Variants in PLCH2 observed in about 807,000 individuals in gnomAD.
The protein encoded by PLCH2 is phospholipase C eta 2.
In PLCH2, 98 loss-of-function variants were observed where a neutral mutation model predicts 134.7. That is an observed-to-expected ratio of 0.73 (90% CI 0.62 to 0.86). The LOEUF is 0.86. Ranked by LOEUF, PLCH2 falls within the 40% of genes least tolerant of loss-of-function variation. PLCH2 has a pLI of 0.00. For synonymous variants in PLCH2, 974 were observed against 827.5 expected, an observed-to-expected ratio of 1.18 and a Z score of -3.04; for missense variants, 1,994 against 1,986.6, an observed-to-expected ratio of 1.00 and a Z score of -0.07.
rs1643038417 is a variant in PLCH2 at position 2,498,724 on chromosome 1, C to T, written c.2350-20C>T. 6 of 1,595,510 alleles carry T rather than the reference C, an allele frequency of 3.8e-6. No individual in the cohort carries two copies. The highest frequency in any genetic ancestry group is 2.3e-5 in the East Asian group (1 of 44,248). On this transcript the variant is annotated intron_variant, in intron 17 of 21. Transcript: ENST00000378486. The surrounding 1 kb of genome is among the most constrained non-coding windows in gnomAD (Gnocchi z 5.4). ...GGCATCGCGATGGGCCCTGATGCCACCCCCACTCCTGTGTCCCAGATCATC... is the reference window on the plus strand; with the variant it reads ...GGCATCGCGATGGGCCCTGATGCCATCCCCACTCCTGTGTCCCAGATCATC...
At chr1:2,446,694 C>G (rs1280272233) in intron 2 of PLCH2, among the ~76,000 whole-genome samples, 1 of 152,238 alleles carries the variant, frequency 6.6e-6, no homozygotes, top group Admixed American at 6.5e-5. Flanking sequence ...GCCTCGGCTG[C>G]CCAGCCCAGC....
chr1:2,494,284 G>A (rs1487725970), intron 11 of PLCH2: 1 of 161,878 alleles, frequency 6.2e-6, no homozygotes, highest in South Asian at 1.6e-4. Flanking sequence ...GGGCAGGCAG[G>A]GTAGCCCTGG....
intron 2 of PLCH2, among the ~76,000 whole-genome samples, chr1:2,433,564 C>T (rs1480065853): frequency 6.6e-6 from 1 of 152,186 alleles, no homozygotes; most frequent in Non-Finnish European, 1.5e-5. Context: ...TGTGTCCGCA[C>T]AGCAGGAGCC....
At chr1:2,486,116 C>T (rs918195797) in intron 5 of PLCH2, among the ~76,000 whole-genome samples, 2 of 152,204 alleles carry the variant, frequency 1.3e-5, no homozygotes, top group African/African-American at 4.8e-5. Context: ...ATAGTAGGTC[C>T]TCTGTCCCAG....
At chr1:2,464,684 G>A (rs549531937), upstream of PLCH2, among the ~76,000 whole-genome samples, 11 of 152,352 alleles carry the variant, frequency 7.2e-5, no homozygotes, top group East Asian at 1.9e-4. Flanking sequence ...GGCTCTGTCC[G>A]GACTCAGCTG....
chr1:2,440,655 C>T (rs1395124922), intron 2 of PLCH2, among the ~76,000 whole-genome samples: 3 of 130,708 alleles, frequency 2.3e-5, no homozygotes, highest in East Asian at 4.9e-4. Context: ...TTGCATGCTG[C>T]GACCAGGGAT....
At chr1:2,465,583 G>A (rs1007757578), upstream of PLCH2, among the ~76,000 whole-genome samples, 1 of 152,106 alleles carries the variant, frequency 6.6e-6, no homozygotes, top group Non-Finnish European at 1.5e-5. Flanking sequence ...CCCGCCGCCT[G>A]CCGCCCGCCA....
intron 20 of PLCH2, chr1:2,500,030 C>G (rs1643129277): frequency 2.0e-6 from 1 of 503,756 alleles, no homozygotes; most frequent in Non-Finnish European, 3.6e-6. Flanking sequence ...GGCCTTGCAG[C>G]CTCCACCCCT....
In PLCH2 at chr1:2,504,980, T is replaced by TCCC. The variant is rs745329991; in HGVS notation, c.4019_4021dup (p.Ser1340_Arg1341insPro). On this transcript the variant is annotated inframe_insertion, in exon 22 of 22. Coordinates refer to ENST00000378486, the MANE Select transcript of PLCH2 (RefSeq NM_014638.4). ...CCCTGGTTTTGTGCGGCGCTCCTCC[T>TCCC]CCCGCAGCCACAGCCGCGTGCGTGC... is the stretch of plus-strand genomic sequence containing the variant. 2 of 1,546,996 alleles carry TCCC rather than the reference T, an allele frequency of 1.3e-6. No individual in the cohort carries two copies. Among genetic ancestry groups the TCCC allele is most frequent in the Admixed American group, 1.9e-5 (1 of 51,598 alleles).
intron 1 of PLCH2, among the ~76,000 whole-genome samples, chr1:2,426,315 G>A (rs911280272): frequency 3.3e-5 from 5 of 152,238 alleles, no homozygotes; most frequent in African/African-American, 1.2e-4. Flanking sequence ...CTATGGCCCC[G>A]TGTTTGGCCA....
chr1:2,447,711 C>T (rs559449196), intron 2 of PLCH2, among the ~76,000 whole-genome samples: 5 of 152,308 alleles, frequency 3.3e-5, no homozygotes, highest in African/African-American at 9.6e-5. Context: ...GGAGCTTCAG[C>T]GGTGGTAACC....
rs764045968 is a variant in PLCH2 at position 2,443,166 on chromosome 1, C to G, written c.115+12537C>G. ...CCCAGAGGTGGGTGGGCTGGCCGCC[C>G]GATGGGAGCTAAGGGTGCCCTGCCA... On this transcript the variant is annotated intron_variant, in intron 2 of 3. Transcript: ENST00000609981. Among the ~76,000 whole-genome samples, 11 of 152,182 alleles carry G rather than the reference C, an allele frequency of 7.2e-5. 1 individual carries two copies. Among genetic ancestry groups the G allele is most frequent in the Non-Finnish European group, 1.5e-4 (10 of 68,020 alleles).
rs564363349 is a variant in PLCH2, at chr1:2,447,820, G to A, written c.115+17191G>A. ...TCCCTCAGCCCACCGGGGACCAGCCGACCGGGAACCGGGGAATACAGAGGA... is the reference window on the plus strand; with the variant it reads ...TCCCTCAGCCCACCGGGGACCAGCCAACCGGGAACCGGGGAATACAGAGGA... On this transcript the variant is annotated intron_variant, in intron 2 of 3. Transcript: ENST00000609981. Among the ~76,000 whole-genome samples the A allele has an allele frequency of 1.6e-4, 24 of 152,182 alleles. 1 individual carries two copies. Among genetic ancestry groups the A allele is most frequent in the Non-Finnish European group, 1.0e-4 (7 of 68,032 alleles).
chr1:2,465,290 G>A (rs535699081), upstream of PLCH2, among the ~76,000 whole-genome samples: 14 of 152,242 alleles, frequency 9.2e-5, no homozygotes, highest in Admixed American at 6.5e-4. Flanking sequence ...TCTCAGACCC[G>A]GAAGGCAAGA....
chr1:2,502,311 C>T lies in PLCH2; in HGVS notation c.2861C>T (p.Thr954Ile). Reference sequence around the variant, plus strand: ...GAGCTGGTCCTGGGTACACGGGACACAGGCTCCAAGGGGGTGGCAGACGAT... The same window carrying T: ...GAGCTGGTCCTGGGTACACGGGACATAGGCTCCAAGGGGGTGGCAGACGAT... ...FPELVLGTRD[T>I]GSKGVADDVV... Residue 954 changes from threonine to isoleucine, a missense_variant, in exon 21 of 22, where the codon ACA (threonine) becomes ATA (isoleucine). This residue lies in a region of PLCH2 where 900 missense variants were observed against 752.3 expected (regional missense o/e 1.20). Coordinates refer to ENST00000378486, the MANE Select transcript of PLCH2 (RefSeq NM_014638.4). 5 of 1,535,780 alleles carry T rather than the reference C, an allele frequency of 3.3e-6. No individual in the cohort carries two copies. Among genetic ancestry groups the T allele is most frequent in the Non-Finnish European group, 4.4e-6 (5 of 1,141,650 alleles).
At chr1:2,456,331 C>G (rs1640491059) in intron 2 of PLCH2, among the ~76,000 whole-genome samples, 1 of 152,222 alleles carries the variant, frequency 6.6e-6, no homozygotes, top group Admixed American at 6.5e-5. Context: ...GCCGCTGAGC[C>G]CCGCAGGGTC....
At position 2,484,588 on chromosome 1, in the gene PLCH2, C is replaced by T; in HGVS notation, c.786C>T (p.Ser262=). 6.2e-7 allele frequency: 1 copy of T among 1,612,728 alleles called. No homozygotes were observed. The highest frequency in any genetic ancestry group is 8.5e-7 in the Non-Finnish European group (1 of 1,179,796). Residue 262 remains serine, a synonymous_variant, in exon 5 of 22, where the codon AGC becomes AGT. Coordinates refer to ENST00000378486, the MANE Select transcript of PLCH2 (RefSeq NM_014638.4). ...ACAAGGACCACCTGGATGCCGCCAG[C>T]CTGCAGCGCTTCCTGCAGGTGGAGC... is the stretch of plus-strand genomic sequence containing the variant. The part of the protein sequence containing the change: ...SNHKDHLDAA[S]LQRFLQVEQK...
chr1:2,471,338 G>C (rs957410601), upstream of PLCH2, among the ~76,000 whole-genome samples: 2 of 152,050 alleles, frequency 1.3e-5, no homozygotes, highest in Non-Finnish European at 2.9e-5. Flanking sequence ...GGCTGGGCAG[G>C]CGCCCACCTG....
Position 2,499,720 on chromosome 1 carries a change from G to A in PLCH2, c.2661G>A (p.Lys887=), listed in dbSNP as rs1643111086. 5 of 1,578,334 alleles carry A rather than the reference G, an allele frequency of 3.2e-6. No homozygotes were observed. The highest frequency in any genetic ancestry group is 3.4e-6 in the Non-Finnish European group (4 of 1,162,382). ...VHVAVSDISG[K]VKQALGLKGL... Reference sequence around the variant, plus strand: ...TGGCTGTCAGTGACATCAGCGGTAAGGTGAGTGTCACCCCCTGCCACCAGC... The same window carrying A: ...TGGCTGTCAGTGACATCAGCGGTAAAGTGAGTGTCACCCCCTGCCACCAGC... The change falls in exon 20 of 22, where the codon AAG becomes AAA. Residue 887 remains lysine, a splice_region_variant and synonymous_variant. Coordinates refer to ENST00000378486, the MANE Select transcript of PLCH2 (RefSeq NM_014638.4).
Sources: allele counts gnomAD v4.1 joint callset (sites outside exome capture counted in the v4.1 genomes callset), GRCh38; gene constraint gnomAD v4.1.1; regional missense constraint gnomAD v4.1.1; non-coding constraint Gnocchi (gnomAD v3.1); transcripts MANE v1.5; gene names NCBI Gene and HGNC (gene_info 2026-07-23, HGNC 2026-07-21).